GALNT13: variants seen among roughly 807,000 people sequenced by gnomAD.
GALNT13 encodes the protein polypeptide N-acetylgalactosaminyltransferase 13.
A neutral mutation model predicts 64.2 loss-of-function variants in GALNT13; 28 were observed. The observed-to-expected ratio is 0.44, with a 90% confidence interval of 0.32 to 0.60. The LOEUF (loss-of-function observed/expected upper bound fraction) is 0.60. Among genes scored for constraint, GALNT13 ranks in the 20% least tolerant of loss-of-function variants. The pLI is 0.05. For synonymous variants in GALNT13, 214 were observed against 224.6 expected, an observed-to-expected ratio of 0.95 and a Z score of 0.42; for missense variants, 577 against 669.8, an observed-to-expected ratio of 0.86 and a Z score of 1.53.
intron 9 of GALNT13, among the ~76,000 whole-genome samples, chr2:154,310,551 A>G (rs1456793175): frequency 6.6e-6 from 1 of 152,182 alleles, no homozygotes; most frequent in East Asian, 1.9e-4. Flanking sequence ...TTGTAGAGAA[A>G]TAGTTTTATA....
chr2:153,095,892 G>C, the GALNT13 span, among the ~76,000 whole-genome samples: 7 of 152,138 alleles, frequency 4.6e-5, no homozygotes, highest in South Asian at 2.1e-4. Context: ...GTCATGGGGT[G>C]GGGGGAGCGG....
the GALNT13 span, among the ~76,000 whole-genome samples, chr2:153,517,946 C>T: frequency 6.6e-6 from 1 of 152,098 alleles, no homozygotes. Flanking sequence ...AATAAGAAGA[C>T]ATATCAATAG....
chr2:153,856,346 T>C, the GALNT13 span, among the ~76,000 whole-genome samples: 1 of 152,102 alleles, frequency 6.6e-6, no homozygotes, highest in Non-Finnish European at 1.5e-5. Context: ...AGGATTTCCA[T>C]TAAGAACATT....
chr2:153,189,121 T>C, the GALNT13 span, among the ~76,000 whole-genome samples: 5 of 152,166 alleles, frequency 3.3e-5, no homozygotes, highest in Non-Finnish European at 5.9e-5. Context: ...TCTTATCCTT[T>C]CCAGACAGTT....
At chr2:153,385,358 A>T in the GALNT13 span, among the ~76,000 whole-genome samples, 1 of 152,106 alleles carries the variant, frequency 6.6e-6, no homozygotes, top group African/African-American at 2.4e-5. Context: ...CAACCCTAAA[A>T]AGGAATGAGA....
At chr2:154,254,060 G>T (rs1483989013) in intron 7 of GALNT13, among the ~76,000 whole-genome samples, 1 of 152,086 alleles carries the variant, frequency 6.6e-6, no homozygotes, top group Non-Finnish European at 1.5e-5. Flanking sequence ...ACGGGGCAGT[G>T]GTGTTGAAGG....
rs531291883 is a variant in GALNT13 at position 153,989,454 on chromosome 2, A to G, written c.142+44815A>G. ...TATATGTGGTCTAAATACGTTGATAAAAGCCAACCAATATAATTTTCCTCT... is the reference window on the plus strand; with the variant it reads ...TATATGTGGTCTAAATACGTTGATAGAAGCCAACCAATATAATTTTCCTCT... On this transcript the variant is annotated intron_variant, in intron 3 of 12. Coordinates refer to ENST00000392825, the MANE Select transcript of GALNT13 (RefSeq NM_052917.4). Among the ~76,000 whole-genome samples, 4 of 152,108 alleles carry G rather than the reference A, an allele frequency of 2.6e-5. No individual in the cohort carries two copies. The South Asian group carries it at 6.2e-4, about 24-fold the overall frequency.
At chr2:153,115,512 T>C in the GALNT13 span, among the ~76,000 whole-genome samples, 1 of 152,166 alleles carries the variant, frequency 6.6e-6, no homozygotes, top group Non-Finnish European at 1.5e-5. Flanking sequence ...CAAAATAAGA[T>C]GTATGTGACA....
chr2:153,447,563 G>A, the GALNT13 span, among the ~76,000 whole-genome samples: 1 of 152,118 alleles, frequency 6.6e-6, no homozygotes, highest in Non-Finnish European at 1.5e-5. Flanking sequence ...TGTCTTTCCT[G>A]TAGTATTACT....
Position 154,115,711 on chromosome 2 carries a change from A to G in GALNT13, c.143-24626A>G, listed in dbSNP as rs1394311897. ...GCTGGGATTACAGGTGTGAGCCACC[A>G]TGCCCGGCCTATTAGAATTTATTTT... On this transcript the variant is annotated intron_variant, in intron 3 of 12. Coordinates refer to ENST00000392825, the MANE Select transcript of GALNT13 (RefSeq NM_052917.4). Among the ~76,000 whole-genome samples, 7 of 152,104 alleles carry G rather than the reference A, an allele frequency of 4.6e-5. No homozygotes were observed. The East Asian group carries it at 1.4e-3, about 29-fold the overall frequency.
the GALNT13 span, among the ~76,000 whole-genome samples, chr2:153,173,672 A>G: frequency 3.3e-3 from 503 of 152,294 alleles, 1 homozygote; most frequent in African/African-American, 0.012. Context: ...TGTCTTTCCC[A>G]TGTGCAAAAT....
chr2:154,041,812 T>C (rs1698994532), intron 3 of GALNT13, among the ~76,000 whole-genome samples: 1 of 140,372 alleles, frequency 7.1e-6, no homozygotes. Flanking sequence ...TATACAAGTA[T>C]AGATTTTACT....
At chr2:153,849,361 G>A in the GALNT13 span, among the ~76,000 whole-genome samples, 3 of 152,088 alleles carry the variant, frequency 2.0e-5, no homozygotes, top group Non-Finnish European at 4.4e-5. Flanking sequence ...TATAATGTCT[G>A]CTTTTGTACC....
chr2:153,296,066 C>A, the GALNT13 span, among the ~76,000 whole-genome samples: 1 of 152,274 alleles, frequency 6.6e-6, no homozygotes. Flanking sequence ...GCTCTCCAGA[C>A]TGCAGGAGTG....
the GALNT13 span, among the ~76,000 whole-genome samples, chr2:153,324,672 T>C: frequency 6.6e-6 from 1 of 152,336 alleles, no homozygotes; most frequent in East Asian, 1.9e-4. Context: ...ACCTACTTTA[T>C]TGAGTGTTTT....
Position 154,453,713 on chromosome 2 carries a change from A to G in GALNT13, c.*3162A>G, listed in dbSNP as rs1350016619. 1.3e-5 allele frequency: 2 copies of G among 152,114 alleles called. No homozygotes were observed. Among genetic ancestry groups the G allele is most frequent in the Non-Finnish European group, 2.9e-5 (2 of 68,026 alleles). 9.4% of individuals were successfully genotyped at this position (152,114 alleles called of 1,614,324 possible). A position where few individuals can be genotyped will look rare whatever the true frequency, so the allele number is the denominator to read the frequency against. On this transcript the variant is annotated 3_prime_UTR_variant, in exon 13 of 13. Coordinates refer to ENST00000392825, the MANE Select transcript of GALNT13 (RefSeq NM_052917.4). ...TTTGTTCATTTGGTATTTCTGGCAT[A>G]TATATTCTCTAAATATTTCTTGAAT...
chr2:153,905,232 TGG>T (rs1688479713), intron 2 of GALNT13, among the ~76,000 whole-genome samples: 1 of 151,964 alleles, frequency 6.6e-6, no homozygotes, highest in Non-Finnish European at 1.5e-5. Context: ...TTTAAAGAGC[TGG>T]TGTAATTACA....
chr2:153,839,617 GT>G, the GALNT13 span, among the ~76,000 whole-genome samples: 3 of 151,750 alleles, frequency 2.0e-5, no homozygotes, highest in Non-Finnish European at 4.4e-5. Flanking sequence ...ATTATGTAAA[GT>G]TTTTCACAAT....
the GALNT13 span, among the ~76,000 whole-genome samples, chr2:153,228,869 CAAAAAAAAAAA>C: frequency 1.5e-5 from 1 of 68,630 alleles, no homozygotes; most frequent in Non-Finnish European, 2.7e-5. Context: ...GAGACTGTCT[CAAAAAAAAAAA>C]AAAAAAAAAA....
Sources: allele counts gnomAD v4.1 joint callset (sites outside exome capture counted in the v4.1 genomes callset), GRCh38; gene constraint gnomAD v4.1.1; transcripts MANE v1.5; gene names NCBI Gene and HGNC (gene_info 2026-07-23, HGNC 2026-07-21).